The following FRMD4B variants were observed in gnomAD, a reference collection of about 807,000 sequenced individuals.
FRMD4B encodes the protein FERM domain-containing protein 4B.
A neutral mutation model predicts 141.5 loss-of-function variants in FRMD4B; 74 were observed. The observed-to-expected ratio is 0.52, with a 90% CI of 0.43 to 0.63. The LOEUF (loss-of-function observed/expected upper bound fraction) is 0.63, where lower values mean the gene tolerates loss of function less well. Among genes scored for constraint, FRMD4B ranks in the 30% least tolerant of loss-of-function variants. The probability of loss-of-function intolerance (pLI) is 0.00; values close to 1 mark genes in which losing one functional copy is unlikely to be tolerated. For missense variants in FRMD4B, 1,366 were observed against 1,253.4 expected (o/e 1.09, Z -1.36); for synonymous variants, 506 against 467.9 (o/e 1.08, Z -1.05).
chr3:69,222,009 G>T, intron 8 of FRMD4B, 86 bp from the exon 9 acceptor site: 1 of 754,928 alleles, frequency 1.3e-6, no homozygotes, highest in Non-Finnish European at 2.4e-6. Flanking sequence ...TGGCTGTCAG[G>T]AAACTTGAGA....
chr3:69,309,808 C>T (rs1015354513), intron 3 of FRMD4B, among the ~76,000 whole-genome samples: 1 of 152,030 alleles, frequency 6.6e-6, no homozygotes, highest in African/African-American at 2.4e-5. Context: ...TTCTATGTGA[C>T]CTCTGCCTAA....
At position 69,198,455 on chromosome 3, in the gene FRMD4B, G is replaced by A. The variant is rs114274353; in HGVS notation, c.953+243C>T. 7.2e-4 allele frequency: 327 copies of A among 456,776 alleles called. 2 individuals are homozygous for A. Among genetic ancestry groups the A allele is most frequent in the African/African-American group, 6.0e-3 (301 of 50,580 alleles). The allele number at this position is 456,776 out of a possible 1,614,324, so 28.3% of individuals were successfully genotyped here. A position where few individuals can be genotyped will look rare whatever the true frequency, so the allele number is the denominator to read the frequency against. On this transcript the variant is annotated intron_variant, in intron 12 of 22. Transcript: ENST00000398540. ...AAATAACAAGTGTCGGTGAGGATGT[G>A]TCGGCATTGGAACCACATATACTGC...
At chr3:69,525,721 G>A (rs944464722) in intron 1 of FRMD4B, among the ~76,000 whole-genome samples, 7 of 151,802 alleles carry the variant, frequency 4.6e-5, no homozygotes, top group South Asian at 2.1e-4. Flanking sequence ...GCACAATCAC[G>A]GCTCACTGCA....
At chr3:69,536,272 C>T (rs1419788215) in intron 1 of FRMD4B, 1 of 619,820 alleles carries the variant, frequency 1.6e-6, no homozygotes, top group African/African-American at 1.8e-5. Context: ...TGGGGACCAT[C>T]AGGGGGCCAT....
At chr3:69,539,652 C>G (rs530960471) in intron 1 of FRMD4B, among the ~76,000 whole-genome samples, 107 of 152,196 alleles carry the variant, frequency 7.0e-4, no homozygotes, top group Middle Eastern at 6.8e-3. Flanking sequence ...TGTTCCAGCA[C>G]CATATTGTTT....
intron 7 of FRMD4B, chr3:69,228,683 A>T (rs980821096): frequency 3.0e-5 from 10 of 332,656 alleles, no homozygotes; most frequent in Middle Eastern, 1.1e-3. Context: ...AGAAATTTTT[A>T]AAAAATTAGC....
chr3:69,225,519 CAAAAAAAAAA>C (rs35855787), intron 7 of FRMD4B, among the ~76,000 whole-genome samples: 17 of 50,580 alleles, frequency 3.4e-4, no homozygotes, highest in Admixed American at 9.7e-4. Flanking sequence ...ACTAAAAATA[CAAAAAAAAAA>C]AAAAAAAAAA....
At chr3:69,370,550 T>C (rs1703796005) in intron 1 of FRMD4B, among the ~76,000 whole-genome samples, 1 of 152,244 alleles carries the variant, frequency 6.6e-6, no homozygotes, top group South Asian at 2.1e-4. Context: ...AACGAATGTA[T>C]TCTCAATCAG....
Position 69,169,353 on chromosome 3 carries a change from C to CTTCCTTT in FRMD4B, c.*2507_*2508insAAAGGAA, listed in dbSNP as rs1553691418. Among the ~76,000 whole-genome samples the CTTCCTTT allele has an allele frequency of 4.8e-4, 14 of 29,284 alleles. 6 individuals carry two copies. 19.2% of individuals were successfully genotyped at this position (29,284 alleles called of 152,430 possible). A position where few individuals can be genotyped will look rare whatever the true frequency, so the allele number is the denominator to read the frequency against. On this transcript the variant is annotated 3_prime_UTR_variant, in exon 23 of 23. Transcript: ENST00000398540. Reference sequence around the variant, plus strand: ...AGGATTGCTGAACTTCCATTTCTTTCTTTTTTTTTTTTTTTTTTTTTTCTT... The same window carrying CTTCCTTT: ...AGGATTGCTGAACTTCCATTTCTTTCTTCCTTTTTTTTTTTTTTTTTTTTTTTTTCTT...
At chr3:69,501,657 C>A (rs908648696) in intron 1 of FRMD4B, among the ~76,000 whole-genome samples, 1 of 152,110 alleles carries the variant, frequency 6.6e-6, no homozygotes, top group African/African-American at 2.4e-5. Context: ...TCCTATTCAA[C>A]ATAGTGTTGG....
chr3:69,344,633 T>A (rs965686548), intron 1 of FRMD4B, among the ~76,000 whole-genome samples: 8 of 152,206 alleles, frequency 5.3e-5, no homozygotes, highest in African/African-American at 1.7e-4. Flanking sequence ...CTCTCTCTTG[T>A]CTACTGGGCT....
intron 1 of FRMD4B, among the ~76,000 whole-genome samples, chr3:69,350,591 T>C (rs1403793993): frequency 6.6e-6 from 1 of 152,018 alleles, no homozygotes; most frequent in Non-Finnish European, 1.5e-5. Context: ...CCAACAGTGA[T>C]AGACTGGATT....
At chr3:69,403,789 CATAA>C (rs1704606665) in intron 2 of FRMD4B, among the ~76,000 whole-genome samples, 1 of 152,172 alleles carries the variant, frequency 6.6e-6, no homozygotes, top group Non-Finnish European at 1.5e-5. Context: ...CAAAAGTGTG[CATAA>C]GCACGCATGC....
intron 21 of FRMD4B, 61 bp from the exon 22 acceptor site, chr3:69,176,717 AG>A: frequency 5.1e-6 from 6 of 1,171,182 alleles, no homozygotes; most frequent in South Asian, 1.3e-5. Context: ...AAAATTGTTA[AG>A]GTCATTCAGA....
intron 19 of FRMD4B, among the ~76,000 whole-genome samples, chr3:69,183,018 T>C (rs1281055541): frequency 6.6e-6 from 1 of 152,194 alleles, no homozygotes; most frequent in Non-Finnish European, 1.5e-5. Context: ...ACCTGAACAT[T>C]CAAAACAGTC....
At chr3:69,209,725 C>A (rs2093057863) in intron 11 of FRMD4B, among the ~76,000 whole-genome samples, 1 of 152,202 alleles carries the variant, frequency 6.6e-6, no homozygotes, top group Non-Finnish European at 1.5e-5. Context: ...ACTTTATAAA[C>A]AGGATGGACC....
chr3:69,349,259 C>G (rs570536603), intron 1 of FRMD4B, among the ~76,000 whole-genome samples: 1 of 152,160 alleles, frequency 6.6e-6, no homozygotes, highest in South Asian at 2.1e-4. Context: ...AGGAATCCAA[C>G]TTACAAGGGA....
chr3:69,314,966 C>T (rs1025730827), intron 1 of FRMD4B, among the ~76,000 whole-genome samples: 2 of 152,230 alleles, frequency 1.3e-5, no homozygotes, highest in African/African-American at 4.8e-5. Flanking sequence ...GAGTTCAAGA[C>T]GGTAGTGAGC....
chr3:69,393,670 T>C (rs976707857), intron 2 of FRMD4B, among the ~76,000 whole-genome samples: 6 of 152,220 alleles, frequency 3.9e-5, no homozygotes, highest in African/African-American at 1.2e-4. Flanking sequence ...CCATTTTTTT[T>C]CTATACTTAT....
Sources: allele counts gnomAD v4.1 joint callset (sites outside exome capture counted in the v4.1 genomes callset), GRCh38; gene constraint gnomAD v4.1.1; transcripts MANE v1.5; gene names NCBI Gene and HGNC (gene_info 2026-07-23, HGNC 2026-07-21).